Variants in IMMP2L observed in about 807,000 individuals in gnomAD.
IMMP2L encodes inner mitochondrial membrane peptidase subunit 2.
Under a neutral mutation model 19.3 loss-of-function variants are expected in IMMP2L, and 18 were observed. That is an observed-to-expected ratio of 0.93 (90% CI 0.64 to 1.38). The LOEUF is 1.38. Among genes scored for constraint, IMMP2L ranks in the 40% most tolerant of loss-of-function variants. The probability of loss-of-function intolerance (pLI) is 0.00; values close to 1 mark genes in which losing one functional copy is unlikely to be tolerated. For missense variants in IMMP2L, 233 were observed against 218.2 expected (o/e 1.07, Z -0.43); for synonymous variants, 76 against 73.0 (o/e 1.04, Z -0.21).
intron 5 of IMMP2L, among the ~76,000 whole-genome samples, chr7:110,692,292 T>C (rs1793563175): frequency 6.6e-6 from 1 of 152,084 alleles, no homozygotes; most frequent in Admixed American, 6.6e-5. Flanking sequence ...AGCTAAGCTA[T>C]GGGTATGCAA....
At chr7:111,537,346 G>C (rs1263751714) in intron 1 of IMMP2L, among the ~76,000 whole-genome samples, 1 of 151,942 alleles carries the variant, frequency 6.6e-6, no homozygotes, top group Non-Finnish European at 1.5e-5. Flanking sequence ...CCAAACAGCT[G>C]CCCAAAGGTC....
At position 111,009,462 on chromosome 7, in the gene IMMP2L, A is replaced by G. The variant is rs1419999700; in HGVS notation, c.240-45897T>C. On this transcript the variant is annotated intron_variant, in intron 3 of 5. Coordinates refer to ENST00000405709, the MANE Select transcript of IMMP2L (RefSeq NM_032549.4). ...GGGCAGAAATTGTATTGCTCAGGTC[A>G]CCTATCATAGCCCCTCATACATAAC... Among the ~76,000 whole-genome samples the G allele has an allele frequency of 5.9e-5, 9 of 152,154 alleles. No homozygotes were observed. The South Asian group carries it at 1.9e-3, about 32-fold the overall frequency.
At position 110,924,686 on chromosome 7, in the gene IMMP2L, C is replaced by A. The variant is rs1473411064; in HGVS notation, c.306-37991G>T. 6.6e-6 allele frequency among the ~76,000 whole-genome samples: 1 copy of A among 152,048 alleles called. No homozygotes were observed. Among genetic ancestry groups the A allele is most frequent in the Non-Finnish European group, 1.5e-5 (1 of 67,996 alleles). On this transcript the variant is annotated intron_variant, in intron 4 of 5. Coordinates refer to ENST00000405709, the MANE Select transcript of IMMP2L (RefSeq NM_032549.4). The surrounding 1 kb of genome is among the most constrained non-coding windows in gnomAD (Gnocchi z 4.2). ...TAATACTTAAACACCAGTGCTGAGA[C>A]TCAACAATTTAAATGGCCTCATTTC...
intron 5 of IMMP2L, among the ~76,000 whole-genome samples, chr7:110,766,581 T>TAAAAAAAAA (rs772192515): frequency 3.1e-5 from 3 of 96,796 alleles, no homozygotes; most frequent in Admixed American, 1.2e-4. Flanking sequence ...AGACTTCATT[T>TAAAAAAAAA]AAAAAAAAAA....
At chr7:111,073,182 C>T (rs1212802224) in intron 3 of IMMP2L, among the ~76,000 whole-genome samples, 3 of 151,812 alleles carry the variant, frequency 2.0e-5, no homozygotes, top group Admixed American at 2.0e-4. Flanking sequence ...AATAAGTCAA[C>T]AAAAATGATG....
chr7:110,956,578 T>C (rs1280870065), intron 4 of IMMP2L, among the ~76,000 whole-genome samples: 1 of 152,000 alleles, frequency 6.6e-6, no homozygotes, highest in African/African-American at 2.4e-5. Flanking sequence ...CCAGTTTACA[T>C]TAACTCCCTC....
chr7:111,099,037 T>A (rs1797692927), intron 3 of IMMP2L, among the ~76,000 whole-genome samples: 1 of 151,734 alleles, frequency 6.6e-6, no homozygotes, highest in Admixed American at 6.6e-5. Flanking sequence ...TGAGTTTTGC[T>A]ATCCACTAGA....
At chr7:111,399,709 TAA>T (rs1833242127) in intron 3 of IMMP2L, among the ~76,000 whole-genome samples, 1 of 152,074 alleles carries the variant, frequency 6.6e-6, no homozygotes, top group Admixed American at 6.6e-5. Flanking sequence ...TAACAACACC[TAA>T]GTTGTTTTTA....
chr7:111,301,686 C>T (rs921843384), intron 3 of IMMP2L, among the ~76,000 whole-genome samples: 10 of 152,072 alleles, frequency 6.6e-5, no homozygotes, highest in Middle Eastern at 3.4e-3. Flanking sequence ...TGTCCAGTTT[C>T]TCCAGCATCA....
At chr7:111,030,008 T>C (rs1166083843) in intron 3 of IMMP2L, among the ~76,000 whole-genome samples, 1 of 152,128 alleles carries the variant, frequency 6.6e-6, no homozygotes. Context: ...CAAAACCCAG[T>C]GGTCACAACT....
intron 3 of IMMP2L, among the ~76,000 whole-genome samples, chr7:111,185,057 G>A (rs1808118113): frequency 2.6e-5 from 4 of 152,154 alleles, no homozygotes. Flanking sequence ...ATCTGTACAT[G>A]AATGTCATCA....
At chr7:111,022,948 T>C (rs2129567155) in intron 3 of IMMP2L, among the ~76,000 whole-genome samples, 1 of 152,306 alleles carries the variant, frequency 6.6e-6, no homozygotes, top group South Asian at 2.1e-4. Flanking sequence ...CAGATGCAAC[T>C]CATTTCTGAG....
intron 3 of IMMP2L, among the ~76,000 whole-genome samples, chr7:111,217,118 T>TCACACA (rs1160755759): frequency 6.2e-5 from 9 of 144,468 alleles, no homozygotes; most frequent in African/African-American, 2.0e-4. Flanking sequence ...TCTCTCTCTC[T>TCACACA]CTCTCTCTCA....
At chr7:110,967,328 C>T (rs1819645171) in intron 3 of IMMP2L, among the ~76,000 whole-genome samples, 1 of 152,034 alleles carries the variant, frequency 6.6e-6, no homozygotes, top group Non-Finnish European at 1.5e-5. Flanking sequence ...CTTTGGCATA[C>T]TCAAGAGACC....
chr7:110,808,459 A>T (rs1801781491), intron 5 of IMMP2L, among the ~76,000 whole-genome samples: 1 of 152,034 alleles, frequency 6.6e-6, no homozygotes, highest in African/African-American at 2.4e-5. Flanking sequence ...CTAAAAGGCT[A>T]ATTGTGTCTT....
At chr7:110,800,323 C>T (rs867427060) in intron 5 of IMMP2L, among the ~76,000 whole-genome samples, 1 of 151,994 alleles carries the variant, frequency 6.6e-6, no homozygotes, top group Non-Finnish European at 1.5e-5. Context: ...TCAAGCTCCC[C>T]TCCCGCCCAA....
chr7:111,399,860 A>C (rs1003480497), intron 3 of IMMP2L, among the ~76,000 whole-genome samples: 1 of 152,148 alleles, frequency 6.6e-6, no homozygotes, highest in Non-Finnish European at 1.5e-5. Context: ...TGCTACCAGC[A>C]CTATAAAGTA....
At chr7:110,680,575 GC>G (rs1792647906) in intron 5 of IMMP2L, among the ~76,000 whole-genome samples, 1 of 152,116 alleles carries the variant, frequency 6.6e-6, no homozygotes, top group Admixed American at 6.6e-5. Flanking sequence ...TTTTAAATGT[GC>G]ACATGGTGAA....
At chr7:111,321,606 T>TA (rs1259466393) in intron 3 of IMMP2L, among the ~76,000 whole-genome samples, 2 of 152,090 alleles carry the variant, frequency 1.3e-5, no homozygotes, top group African/African-American at 2.4e-5. Flanking sequence ...AAGGAGTCCT[T>TA]AACTGCAAAT....
Sources: gnomAD v4.1 joint callset for allele counts (sites outside exome capture counted in the v4.1 genomes callset) on GRCh38, gnomAD v4.1.1 for gene constraint, Gnocchi (gnomAD v3.1) non-coding constraint, MANE v1.5 for transcripts, NCBI Gene and HGNC (gene_info 2026-07-23, HGNC 2026-07-21) for gene names.